FSD2: variants seen among roughly 807,000 people sequenced by gnomAD.
FSD2 encodes fibronectin type III and SPRY domain containing 2, also known as fibronectin type III and SPRY domain-containing protein 2.
In FSD2, 71 loss-of-function variants were observed where a neutral mutation model predicts 80.4. The ratio of observed to expected loss-of-function variants is 0.88; its 90% CI spans 0.73 to 1.08. The LOEUF (loss-of-function observed/expected upper bound fraction) is 1.08. FSD2 is among the 50% of genes least tolerant of loss of function. The pLI, the probability that FSD2 is intolerant of heterozygous loss-of-function variation, is 0.00. For synonymous variants in FSD2, 361 were observed against 329.5 expected (o/e 1.10, Z -1.03); for missense variants, 923 against 913.8 (o/e 1.01, Z -0.13).
chr15:82,805,417 T>C (rs896379231), intron 1 of FSD2, among the ~76,000 whole-genome samples: 3 of 152,200 alleles, frequency 2.0e-5, no homozygotes, highest in Middle Eastern at 3.2e-3. Flanking sequence ...TGCCTTAAAG[T>C]GTTACAGTGA....
intron 8 of FSD2, among the ~76,000 whole-genome samples, chr15:82,769,453 T>C (rs1260748552): frequency 1.3e-5 from 2 of 151,230 alleles, no homozygotes; most frequent in Non-Finnish European, 2.9e-5. Context: ...CAGACACCTG[T>C]AATCCCAGCT....
At position 82,755,673 on chromosome 15, in the gene FSD2, A is replaced by G. The variant is rs2049160888; in HGVS notation, c.*3675T>C. ...CCACCTGTTCAGTAGCAACTCTAAA[A>G]TAAGTACTAACTTAGGGGCAGTTGT... On this transcript the variant is annotated 3_prime_UTR_variant, in exon 13 of 13. Coordinates refer to ENST00000334574, the MANE Select transcript of FSD2 (RefSeq NM_001007122.4). 1 of 154,014 alleles carries G rather than the reference A, an allele frequency of 6.5e-6. No homozygotes were observed. Among genetic ancestry groups the G allele is most frequent in the African/African-American group, 2.4e-5 (1 of 41,480 alleles). The allele number at this position is 154,014 out of a possible 1,614,324, so 9.5% of individuals were successfully genotyped here.
chr15:82,776,541 A>G (rs2049717208), intron 6 of FSD2, among the ~76,000 whole-genome samples: 1 of 152,182 alleles, frequency 6.6e-6, no homozygotes, highest in Admixed American at 6.5e-5. Context: ...GAGGTGAAAG[A>G]CTTGTATACT....
chr15:82,767,848 C>G (rs1938194648), intron 9 of FSD2, among the ~76,000 whole-genome samples: 1 of 152,174 alleles, frequency 6.6e-6, no homozygotes, highest in African/African-American at 2.4e-5. Context: ...GAATCTGCTT[C>G]CCTAACAATT....
intron 4 of FSD2, among the ~76,000 whole-genome samples, chr15:82,782,420 A>C (rs548570977): frequency 6.6e-6 from 1 of 152,260 alleles, no homozygotes; most frequent in African/African-American, 2.4e-5. Context: ...AACCAAAACA[A>C]AACAAAACAA....
intron 6 of FSD2, 87 bp downstream of exon 6, chr15:82,778,679 G>A: frequency 7.1e-7 from 1 of 1,411,132 alleles, no homozygotes; most frequent in Non-Finnish European, 9.5e-7. Flanking sequence ...TAAGAGGATA[G>A]ATCTCATGCT....
At chr15:82,769,461 G>A (rs1317504756) in intron 8 of FSD2, among the ~76,000 whole-genome samples, 1 of 151,794 alleles carries the variant, frequency 6.6e-6, no homozygotes, top group East Asian at 1.9e-4. Flanking sequence ...TGTAATCCCA[G>A]CTACTTGGGA....
chr15:82,764,208 A>G (rs950309571), intron 11 of FSD2, among the ~76,000 whole-genome samples: 2 of 152,166 alleles, frequency 1.3e-5, no homozygotes, highest in African/African-American at 2.4e-5. Context: ...AAAAACCCCA[A>G]CCTTCTAAGT....
rs896969949 is a variant in FSD2, at chr15:82,787,214, C to G, written c.177G>C (p.Gly59=). 1.2e-6 allele frequency: 2 copies of G among 1,613,898 alleles called. No homozygotes were observed. Among genetic ancestry groups the G allele is most frequent in the African/African-American group, 2.7e-5 (2 of 74,994 alleles). The change falls in exon 2 of 13, where the codon GGG becomes GGC. Residue 59 remains glycine, a synonymous_variant. Coordinates refer to ENST00000334574, the MANE Select transcript of FSD2 (RefSeq NM_001007122.4). ...AEMANESRGA[G]DGKAQRDLQE... ...GAAGGTCTCTTTGAGCCTTACCATCCCCTGCTCCTCTTGACTCATTGGCCA... is the reference window on the plus strand; with the variant it reads ...GAAGGTCTCTTTGAGCCTTACCATCGCCTGCTCCTCTTGACTCATTGGCCA...
intron 4 of FSD2, among the ~76,000 whole-genome samples, chr15:82,781,742 C>T (rs1421029562): frequency 1.3e-5 from 2 of 152,038 alleles, no homozygotes; most frequent in Non-Finnish European, 2.9e-5. Flanking sequence ...TCCAAGAGGC[C>T]ATCTGAGGTG....
chr15:82,761,645 A>G lies in FSD2; in HGVS notation c.1997+457T>C, dbSNP rs182197956. Among the ~76,000 whole-genome samples the G allele has an allele frequency of 1.6e-3, 248 of 150,338 alleles. 1 individual carries two copies. Among genetic ancestry groups the G allele is most frequent in the Non-Finnish European group, 2.9e-3 (198 of 67,470 alleles). On this transcript the variant is annotated intron_variant, in intron 12 of 12. Coordinates refer to ENST00000334574, the MANE Select transcript of FSD2 (RefSeq NM_001007122.4). ...AATTGCTGTGAGGTGTGGTCTTCTT[A>G]TTTTTATTCTTTTATTTTATTTTAT...
At chr15:82,768,049 G>A (rs544354141) in intron 9 of FSD2, among the ~76,000 whole-genome samples, 3 of 152,248 alleles carry the variant, frequency 2.0e-5, no homozygotes, top group South Asian at 4.1e-4. Context: ...TAGGTTCTGC[G>A]AGCCCTTGTG....
chr15:82,769,053 G>A, intron 8 of FSD2, 23 bp from the exon 9 acceptor site: 1 of 1,544,932 alleles, frequency 6.5e-7, no homozygotes, highest in Non-Finnish European at 8.7e-7. Flanking sequence ...GAAAGGGAGA[G>A]ATGAACAACT....
intron 7 of FSD2, among the ~76,000 whole-genome samples, chr15:82,770,573 A>G (rs2049542805): frequency 2.6e-5 from 4 of 152,218 alleles, no homozygotes; most frequent in Admixed American, 2.6e-4. Flanking sequence ...CGGGAGGCCG[A>G]GGCAGGAGAA....
chr15:82,783,088 G>GTTTTTTGT, intron 3 of FSD2, 63 bp from the exon 4 acceptor site: 1 of 1,234,172 alleles, frequency 8.1e-7, no homozygotes, highest in Non-Finnish European at 1.2e-6. Flanking sequence ...AGAGTCTTTT[G>GTTTTTTGT]TTTTTTGTTT....
At chr15:82,804,758 G>T (rs1428931764) in intron 1 of FSD2, among the ~76,000 whole-genome samples, 1 of 152,180 alleles carries the variant, frequency 6.6e-6, no homozygotes, top group African/African-American at 2.4e-5. Flanking sequence ...ATACAGATAA[G>T]AACACATGCT....
chr15:82,801,018 C>T (rs1414563510), intron 1 of FSD2, among the ~76,000 whole-genome samples: 1 of 152,186 alleles, frequency 6.6e-6, no homozygotes, highest in East Asian at 1.9e-4. Flanking sequence ...GTAACCCTTC[C>T]CCATAGAAAG....
chr15:82,778,158 AAT>A (rs1555478183), intron 6 of FSD2, among the ~76,000 whole-genome samples: 1 of 129,068 alleles, frequency 7.7e-6, no homozygotes, highest in African/African-American at 3.3e-5. Flanking sequence ...ATATATATAT[AAT>A]AACTATTACA....
Position 82,787,274 on chromosome 15 carries a change from C to T in FSD2, c.117G>A (p.Glu39=), listed in dbSNP as rs752326396. ...GGACTACTTTCCTCATCCTAGTGTT[C>T]TCTTCTGGAAAGAGGTGCAGTCTGT... The part of the protein sequence containing the change: ...SEDRLHLFPE[E]NTRMRKVVQA... Residue 39 remains glutamate, a synonymous_variant, in exon 2 of 13, where the codon GAG becomes GAA. Coordinates refer to ENST00000334574, the MANE Select transcript of FSD2 (RefSeq NM_001007122.4). The T allele has an allele frequency of 3.1e-6, 5 of 1,613,876 alleles. No homozygotes were observed. The highest frequency in any genetic ancestry group is 4.2e-6 in the Non-Finnish European group (5 of 1,179,882).
Sources: allele counts gnomAD v4.1 joint callset (sites outside exome capture counted in the v4.1 genomes callset), GRCh38; gene constraint gnomAD v4.1.1; transcripts MANE v1.5; gene names NCBI Gene and HGNC (gene_info 2026-07-23, HGNC 2026-07-21).